Variants in NRN1L observed in about 807,000 individuals in gnomAD.
NRN1L encodes the protein neuritin 1 like.
A neutral mutation model predicts 8.8 loss-of-function variants in NRN1L; 12 were observed. The observed-to-expected ratio is 1.36, with a 90% CI of 0.87 to 2.20. The LOEUF is 2.20. Among genes scored for constraint, NRN1L ranks in the 30% most tolerant of loss-of-function variants. The probability of loss-of-function intolerance (pLI) is 0.00; values close to 1 mark genes in which losing one functional copy is unlikely to be tolerated. For missense variants in NRN1L, 266 were observed against 232.4 expected (o/e 1.14, Z -0.94); for synonymous variants, 114 against 99.2 (o/e 1.15, Z -0.88).
downstream of NRN1L, among the ~76,000 whole-genome samples, chr16:67,888,200 A>G (rs545434736): frequency 7.9e-5 from 12 of 152,320 alleles, no homozygotes; most frequent in South Asian, 2.5e-3. Context: ...GGAATGAAAG[A>G]TAGAACTCCT....
chr16:67,885,666 G>A lies in NRN1L; in HGVS notation c.80-56G>A, dbSNP rs1276860458. The A allele has an allele frequency of 1.9e-5, 26 of 1,401,242 alleles. No homozygotes were observed. In the South Asian group the frequency reaches 3.1e-4, roughly 17 times the overall value. 86.8% of individuals were successfully genotyped at this position (1,401,242 alleles called of 1,614,324 possible). ...CAAGCCCCTGGGGGCTGGGGGATGA[G>A]CCTGGCTCATCCTATCTACCATTCC... On this transcript the variant is annotated intron_variant, in intron 1 of 2. Transcript: ENST00000339176.
At chr16:67,885,693 T>TGG in intron 1 of NRN1L, 29 bp from the exon 2 acceptor site, 146 of 1,256,900 alleles carry the variant, frequency 1.2e-4, no homozygotes, top group Middle Eastern at 2.1e-4. Flanking sequence ...TACCATTCCT[T>TGG]CCCCACCCCA....
At position 67,885,819 on chromosome 16, in the gene NRN1L, C is replaced by A. The variant is rs1320598981; in HGVS notation, c.177C>A (p.Ser59Arg). ...AGTGTCTCATCCGCTTGGGGGACAGCATGGGCCGCGGAGGCGAGCTGGAGA... is the reference window on the plus strand; with the variant it reads ...AGTGTCTCATCCGCTTGGGGGACAGAATGGGCCGCGGAGGCGAGCTGGAGA... Reference protein sequence around the residue: ...FAECLIRLGDSMGRGGELETI... With the variant: ...FAECLIRLGDRMGRGGELETI... The change falls in exon 2 of 3, where the codon AGC becomes AGA. Residue 59 changes from serine (S) to arginine (R), a missense_variant. By Grantham distance (110) the Ser-to-Arg change is moderately radical. Transcript: ENST00000339176. The A allele has an allele frequency of 1.3e-5, 20 of 1,582,094 alleles. No individual in the cohort carries two copies. Among genetic ancestry groups the A allele is most frequent in the Non-Finnish European group, 1.7e-5 (20 of 1,165,870 alleles).
rs1166008340 is a variant in NRN1L, at chr16:67,886,076, C to G, written c.315C>G (p.Ala105=). ...CACTACAGCAAGAAGCTCGCCAGGC[C>G]CCCCGTCCGAATAACTTGCACACTC... ...WESLQQEARQ[A]PRPNNLHTLC... is the part of the protein sequence containing the mutation. The change falls in exon 3 of 3, where the codon GCC becomes GCG. Residue 105 remains alanine (A), a synonymous_variant. Coordinates refer to ENST00000339176, the MANE Select transcript of NRN1L (RefSeq NM_198443.2). 1.2e-6 allele frequency: 2 copies of G among 1,613,590 alleles called. No homozygotes were observed. The highest frequency in any genetic ancestry group is 1.7e-6 in the Non-Finnish European group (2 of 1,179,824).
chr16:67,886,046 G>C lies in NRN1L; in HGVS notation c.285G>C (p.Trp95Cys). The change falls in exon 3 of 3, where the codon TGG becomes TGC. Residue 95 changes from tryptophan (W) to cysteine (C), a missense_variant. Physicochemically the swap from Trp to Cys is radical, Grantham distance 215. Coordinates refer to ENST00000339176, the MANE Select transcript of NRN1L (RefSeq NM_198443.2). ...SGCPEEAAAV[W>C]ESLQQEARQA... ...GTCCGGAGGAGGCAGCTGCAGTGTG[G>C]GAATCACTACAGCAAGAAGCTCGCC... 6.2e-7 allele frequency: 1 copy of C among 1,613,964 alleles called. No homozygotes were observed. The highest frequency in any genetic ancestry group is 8.5e-7 in the Non-Finnish European group (1 of 1,179,890).
At chr16:67,887,864 G>A (rs904690483), downstream of NRN1L, among the ~76,000 whole-genome samples, 7 of 152,190 alleles carry the variant, frequency 4.6e-5, no homozygotes, top group Non-Finnish European at 1.0e-4. Context: ...ACAGGCGTGA[G>A]CCACCGCGCC....
rs751253028 is a variant in NRN1L, at chr16:67,885,747, T to C, written c.105T>C (p.Ala35=). 7.2e-7 allele frequency: 1 copy of C among 1,385,396 alleles called. No homozygotes were observed. Among genetic ancestry groups the C allele is most frequent in the African/African-American group, 1.5e-5 (1 of 66,624 alleles). The allele number at this position is 1,385,396 out of a possible 1,614,324, so 85.8% of individuals were successfully genotyped here. A position where few individuals can be genotyped will look rare whatever the true frequency, so the allele number is the denominator to read the frequency against. ...TCCTTTTACCTCCCCTGGCAGCAGC[T>C]GCAGCGGGCCCAAACCGATGTGACA... ...PLVLLPPLAA[A]AAGPNRCDTI... Residue 35 remains alanine, a synonymous_variant, in exon 2 of 3, where the codon GCT becomes GCC. Coordinates refer to ENST00000339176, the MANE Select transcript of NRN1L (RefSeq NM_198443.2).
chr16:67,885,488 C>G (rs1210923713), intron 1 of NRN1L: 1 of 529,290 alleles, frequency 1.9e-6, no homozygotes, highest in African/African-American at 2.0e-5. Context: ...GAAGAGCTGA[C>G]CTGGGGTACA....
At chr16:67,885,036 C>G (rs2058089535) in intron 1 of NRN1L, 54 bp downstream of exon 1, 5 of 1,476,476 alleles carry the variant, frequency 3.4e-6, no homozygotes, top group East Asian at 4.5e-5. Context: ...CCAGCCAAGC[C>G]AGGCTGGGCA....
Position 67,885,713 on chromosome 16 carries a change from C to CCCCTCT in NRN1L, c.80-9_80-8insCCCTCT. ...TTCCTTCCCCACCCCACCCCCGCCC[C>CCCCTCT]ACTTCTAGTCCTTTTACCTCCCCTG... On this transcript the variant is annotated splice_polypyrimidine_tract_variant and intron_variant, in intron 1 of 2. Transcript: ENST00000339176. 6.6e-7 allele frequency: 1 copy of CCCCTCT among 1,509,818 alleles called. No individual in the cohort carries two copies. Among genetic ancestry groups the CCCCTCT allele is most frequent in the South Asian group, 1.2e-5 (1 of 84,546 alleles). 93.5% of individuals were successfully genotyped at this position (1,509,818 alleles called of 1,614,324 possible). A position where few individuals can be genotyped will look rare whatever the true frequency, so the allele number is the denominator to read the frequency against.
downstream of NRN1L, among the ~76,000 whole-genome samples, chr16:67,887,708 G>A (rs576265762): frequency 6.7e-6 from 1 of 149,100 alleles, no homozygotes; most frequent in African/African-American, 2.5e-5. Context: ...TCAGCCTTCC[G>A]AGTAGCTTGG....
chr16:67,886,047 G>C lies in NRN1L; in HGVS notation c.286G>C (p.Glu96Gln). The stretch of plus-strand genomic sequence containing the variant: ...TCCGGAGGAGGCAGCTGCAGTGTGG[G>C]AATCACTACAGCAAGAAGCTCGCCA... The part of the protein sequence containing the change: ...GCPEEAAAVW[E>Q]SLQQEARQAP... The change falls in exon 3 of 3, where the codon GAA becomes CAA. Residue 96 changes from glutamate to glutamine, a missense_variant. Coordinates refer to ENST00000339176, the MANE Select transcript of NRN1L (RefSeq NM_198443.2). 6.2e-7 allele frequency: 1 copy of C among 1,613,948 alleles called. No homozygotes were observed. The highest frequency in any genetic ancestry group is 8.5e-7 in the Non-Finnish European group (1 of 1,179,884).
In NRN1L at chr16:67,885,824, G is replaced by C; in HGVS notation, c.182G>C (p.Gly61Ala). The C allele has an allele frequency of 1.3e-6, 2 of 1,578,388 alleles. No homozygotes were observed. The highest frequency in any genetic ancestry group is 1.7e-6 in the Non-Finnish European group (2 of 1,163,708). Residue 61 changes from glycine (G) to alanine (A), a missense_variant, in exon 2 of 3, where the codon GGC (glycine) becomes GCC (alanine). Transcript: ENST00000339176. ...CTCATCCGCTTGGGGGACAGCATGG[G>C]CCGCGGAGGCGAGCTGGAGACCATC... ...ECLIRLGDSM[G>A]RGGELETICR... is the part of the protein sequence containing the mutation.
chr16:67,887,646 G>C (rs987467766), downstream of NRN1L, among the ~76,000 whole-genome samples: 41 of 140,126 alleles, frequency 2.9e-4, no homozygotes, highest in Non-Finnish European at 5.9e-4. Context: ...GCAATGGCGC[G>C]ATCTCTGCTC....
In NRN1L at chr16:67,886,158, G is replaced by C; in HGVS notation, c.397G>C (p.Glu133Gln). 6.2e-7 allele frequency: 1 copy of C among 1,609,176 alleles called. No homozygotes were observed. The highest frequency in any genetic ancestry group is 1.1e-5 in the South Asian group (1 of 90,846). Residue 133 changes from glutamate to glutamine, a missense_variant, in exon 3 of 3, where the codon GAG becomes CAG. Physicochemically the swap from Glu to Gln is conservative, Grantham distance 29. Transcript: ENST00000339176. ...ERGTGSETNQETLRATAPALP... is the reference protein window; with the variant it reads ...ERGTGSETNQQTLRATAPALP... ...CGGCACAGGCTCCGAAACCAACCAGGAGACGCTGCGGGCTACAGCGCCTGC... is the reference window on the plus strand; with the variant it reads ...CGGCACAGGCTCCGAAACCAACCAGCAGACGCTGCGGGCTACAGCGCCTGC...
At chr16:67,887,740 G>C (rs919756539), downstream of NRN1L, among the ~76,000 whole-genome samples, 3 of 151,986 alleles carry the variant, frequency 2.0e-5, no homozygotes, top group African/African-American at 7.3e-5. Flanking sequence ...CCGCCACCAC[G>C]CCTGGCTAAT....
chr16:67,886,777 C>G (rs1015550979), downstream of NRN1L, among the ~76,000 whole-genome samples: 1 of 152,236 alleles, frequency 6.6e-6, no homozygotes, highest in Non-Finnish European at 1.5e-5. Flanking sequence ...TCACCTCCTC[C>G]TCTCTCTGCC....
At chr16:67,885,599 CT>C in intron 1 of NRN1L, 122 bp from the exon 2 acceptor site, 19 of 740,414 alleles carry the variant, frequency 2.6e-5, no homozygotes, top group East Asian at 5.9e-5. Flanking sequence ...CTGGGGCACC[CT>C]TTTTCCGCTG....
At chr16:67,885,693 T>TGGCCCCCCCCCCCCC in intron 1 of NRN1L, 29 bp from the exon 2 acceptor site, 1 of 1,257,204 alleles carries the variant, frequency 8.0e-7, no homozygotes, top group Non-Finnish European at 1.1e-6. Flanking sequence ...TACCATTCCT[T>TGGCCCCCCCCCCCCC]CCCCACCCCA....
Sources: gnomAD v4.1 joint callset for allele counts (sites outside exome capture counted in the v4.1 genomes callset) on GRCh38, gnomAD v4.1.1 for gene constraint, MANE v1.5 for transcripts, NCBI Gene and HGNC (gene_info 2026-07-23, HGNC 2026-07-21) for gene names.